RALYL: variants seen among roughly 807,000 people sequenced by gnomAD.
RALYL encodes the protein RNA-binding Raly-like protein.
A neutral mutation model predicts 35.1 loss-of-function variants in RALYL; 29 were observed. The observed-to-expected ratio is 0.83, with a 90% CI of 0.61 to 1.13. RALYL has a LOEUF of 1.13. Among genes scored for constraint, RALYL ranks in the 50% most tolerant of loss-of-function variants. RALYL has a pLI of 0.00. For synonymous variants in RALYL, 120 were observed against 127.6 expected (o/e 0.94, Z 0.40); for missense variants, 359 against 360.4 (o/e 1.00, Z 0.03).
At chr8:84,240,600 G>A (rs937657475) in intron 1 of RALYL, among the ~76,000 whole-genome samples, 1 of 152,144 alleles carries the variant, frequency 6.6e-6, no homozygotes, top group African/African-American at 2.4e-5. Context: ...GATGTACTAT[G>A]GCATTTCTGA....
intron 1 of RALYL, among the ~76,000 whole-genome samples, chr8:84,217,085 A>G (rs1382215694): frequency 6.6e-6 from 1 of 152,126 alleles, no homozygotes; most frequent in Admixed American, 6.6e-5. Context: ...TCATCCCTGA[A>G]CACAGCTTAG....
In RALYL at chr8:84,365,418, A is replaced by C. The variant is rs938245075; in HGVS notation, c.-23-163881A>C. Among the ~76,000 whole-genome samples the C allele has an allele frequency of 3.9e-5, 6 of 152,330 alleles. No individual in the cohort carries two copies. In the South Asian group the frequency reaches 1.2e-3, roughly 32 times the overall value. On this transcript the variant is annotated intron_variant, in intron 1 of 8. Coordinates refer to ENST00000521268, the MANE Select transcript of RALYL (RefSeq NM_173848.7). Reference sequence around the variant, plus strand: ...ACCAAATTTACAGTGTTGCAAAACTAATGTTGGCCATAAAAATCAATACAT... The same window carrying C: ...ACCAAATTTACAGTGTTGCAAAACTCATGTTGGCCATAAAAATCAATACAT...
At chr8:84,851,484 G>A (rs1332636296) in intron 5 of RALYL, among the ~76,000 whole-genome samples, 1 of 152,008 alleles carries the variant, frequency 6.6e-6, no homozygotes, top group African/African-American at 2.4e-5. Context: ...TAGATTACGG[G>A]ATTAAAAAAT....
chr8:84,279,849 T>C (rs780792756), intron 1 of RALYL, among the ~76,000 whole-genome samples: 17 of 152,210 alleles, frequency 1.1e-4, no homozygotes, highest in Non-Finnish European at 2.4e-4. Flanking sequence ...TCCAGGATAA[T>C]TTCCTACCTC....
intron 1 of RALYL, among the ~76,000 whole-genome samples, chr8:84,366,738 T>C (rs1422720822): frequency 1.7e-5 from 2 of 115,396 alleles, no homozygotes; most frequent in Admixed American, 2.7e-4. Context: ...CACTCCAGCC[T>C]GGAGGCAGAG....
chr8:84,385,866 A>G (rs1586762654), intron 1 of RALYL, among the ~76,000 whole-genome samples: 1 of 151,798 alleles, frequency 6.6e-6, no homozygotes, highest in East Asian at 2.0e-4. Context: ...GCCAAGGTTC[A>G]CCATGCTTCA....
Position 84,788,999 on chromosome 8 carries a change from C to T in RALYL, c.332+14345C>T, listed in dbSNP as rs529368848. On this transcript the variant is annotated intron_variant, in intron 3 of 8. Transcript: ENST00000521268. ...AATAACTGCCCCCTGGTATTTAAAG[C>T]TGTAATTCAGCTGCTTTGCTGCTGC... Among the ~76,000 whole-genome samples the T allele has an allele frequency of 4.8e-4, 73 of 152,298 alleles. No homozygotes were observed. The South Asian group carries it at 0.015, about 31-fold the overall frequency.
chr8:84,730,478 A>T (rs1314321804), intron 2 of RALYL, among the ~76,000 whole-genome samples: 2 of 150,386 alleles, frequency 1.3e-5, no homozygotes, highest in South Asian at 2.1e-4. Context: ...CTGGCACAAG[A>T]CAGGGATGCC....
At chr8:84,620,853 G>A (rs191396119) in intron 2 of RALYL, among the ~76,000 whole-genome samples, 1 of 152,052 alleles carries the variant, frequency 6.6e-6, no homozygotes, top group African/African-American at 2.4e-5. Context: ...GTACCCTGCC[G>A]TGTGAGGTGT....
intron 1 of RALYL, among the ~76,000 whole-genome samples, chr8:84,398,868 G>A (rs1319427273): frequency 6.6e-6 from 1 of 151,890 alleles, no homozygotes; most frequent in Admixed American, 6.6e-5. Flanking sequence ...CAGCTACTCG[G>A]GAGGCTGAGA....
chr8:84,497,630 GTTT>G (rs1181968193), intron 1 of RALYL, among the ~76,000 whole-genome samples: 1 of 119,124 alleles, frequency 8.4e-6, no homozygotes, highest in African/African-American at 3.2e-5. Context: ...TTTTTTTGTT[GTTT>G]TTGTTTTTGT....
intron 1 of RALYL, among the ~76,000 whole-genome samples, chr8:84,252,288 G>A (rs912329006): frequency 2.6e-5 from 4 of 151,998 alleles, no homozygotes; most frequent in African/African-American, 9.7e-5. Context: ...GGTAGCCAGT[G>A]CTCATTTTTT....
intron 1 of RALYL, among the ~76,000 whole-genome samples, chr8:84,304,923 A>T (rs1841505021): frequency 6.6e-6 from 1 of 152,158 alleles, no homozygotes; most frequent in African/African-American, 2.4e-5. Flanking sequence ...CTGATCTTGG[A>T]ATTTTTACAT....
At chr8:84,837,165 T>C (rs1271961452) in intron 4 of RALYL, among the ~76,000 whole-genome samples, 2 of 152,222 alleles carry the variant, frequency 1.3e-5, no homozygotes, top group East Asian at 1.9e-4. Context: ...TATCAAATTC[T>C]GCCTCAACTT....
At chr8:84,400,786 T>C (rs2042813025) in intron 1 of RALYL, among the ~76,000 whole-genome samples, 1 of 152,214 alleles carries the variant, frequency 6.6e-6, no homozygotes, top group South Asian at 2.1e-4. Context: ...ACCATTAGTT[T>C]ATTTGGATCA....
At chr8:84,732,683 T>TATATATATATACACAC in intron 2 of RALYL, among the ~76,000 whole-genome samples, 35 of 133,246 alleles carry the variant, frequency 2.6e-4, no homozygotes, top group African/African-American at 4.3e-4. Flanking sequence ...TATATATATA[T>TATATATATATACACAC]ACACACACAC....
chr8:84,429,481 G>A (rs1264638801), intron 1 of RALYL, among the ~76,000 whole-genome samples: 1 of 131,006 alleles, frequency 7.6e-6, no homozygotes, highest in African/African-American at 2.6e-5. Flanking sequence ...TTTTTAAAAT[G>A]CTTTTTCCAG....
intron 1 of RALYL, among the ~76,000 whole-genome samples, chr8:84,276,386 C>G (rs1254821458): frequency 6.6e-6 from 1 of 152,132 alleles, no homozygotes; most frequent in African/African-American, 2.4e-5. Flanking sequence ...ATTTCCCTCC[C>G]CTGTCTTTAC....
intron 1 of RALYL, among the ~76,000 whole-genome samples, chr8:84,287,634 A>AG: frequency 6.7e-6 from 1 of 149,780 alleles, no homozygotes; most frequent in African/African-American, 2.5e-5. Flanking sequence ...CCATGGGGGA[A>AG]AAAAAAGCCC....
Sources: allele counts gnomAD v4.1 joint callset (sites outside exome capture counted in the v4.1 genomes callset), GRCh38; gene constraint gnomAD v4.1.1; transcripts MANE v1.5; gene names NCBI Gene and HGNC (gene_info 2026-07-23, HGNC 2026-07-21).